The following RIGI variants were observed in gnomAD, a reference collection of about 807,000 sequenced individuals.
The protein encoded by RIGI is antiviral innate immune response receptor RIG-I.
chr9:32,455,398 A>C, the RIGI span, among the ~76,000 whole-genome samples: 3,471 of 152,262 alleles, frequency 0.023, 103 homozygotes, highest in African/African-American at 0.072. Context: ...GAAGCAGGCA[A>C]GTCTTACATG....
the RIGI span, among the ~76,000 whole-genome samples, chr9:32,501,722 A>T: frequency 6.6e-6 from 1 of 152,166 alleles, no homozygotes; most frequent in Admixed American, 6.5e-5. Flanking sequence ...ATTCCAAGGG[A>T]GTAAGCAAGT....
the RIGI span, among the ~76,000 whole-genome samples, chr9:32,483,868 C>G: frequency 3.3e-5 from 5 of 152,014 alleles, no homozygotes; most frequent in Non-Finnish European, 7.4e-5. Flanking sequence ...ATTCCCTGTG[C>G]CTGAAACACA....
the RIGI span, chr9:32,489,374 C>G: frequency 6.2e-7 from 1 of 1,612,558 alleles, no homozygotes; most frequent in Non-Finnish European, 8.5e-7. Context: ...GTGTTTTTTC[C>G]TTTCATAGCA....
the RIGI span, among the ~76,000 whole-genome samples, chr9:32,523,053 C>T: frequency 6.6e-6 from 1 of 152,110 alleles, no homozygotes; most frequent in African/African-American, 2.4e-5. Context: ...CTTCCTTACC[C>T]CTCCAGAGTC....
At chr9:32,485,099 A>T in the RIGI span, 10 of 1,091,200 alleles carry the variant, frequency 9.2e-6, no homozygotes, top group East Asian at 2.4e-4. Context: ...AACTAAGGAG[A>T]ACACAAAAAG....
At chr9:32,471,982 C>T in the RIGI span, among the ~76,000 whole-genome samples, 1 of 151,952 alleles carries the variant, frequency 6.6e-6, no homozygotes, top group African/African-American at 2.4e-5. Flanking sequence ...ATAAACAACA[C>T]TAAATAGGAA....
At chr9:32,467,148 G>C in the RIGI span, among the ~76,000 whole-genome samples, 1 of 152,154 alleles carries the variant, frequency 6.6e-6, no homozygotes, top group Non-Finnish European at 1.5e-5. Flanking sequence ...AGCAATAAGT[G>C]AGGAAGTCAG....
chr9:32,520,806 TGGCTGGGTGTGGTGGCTCA>T, the RIGI span, among the ~76,000 whole-genome samples: 1 of 151,652 alleles, frequency 6.6e-6, no homozygotes, highest in African/African-American at 2.4e-5. Flanking sequence ...TATAAAAAGA[TGGCTGGGTGTGGTGGCTCA>T]GGCTGGGCGT....
the RIGI span, among the ~76,000 whole-genome samples, chr9:32,458,419 A>C: frequency 6.6e-6 from 1 of 152,198 alleles, no homozygotes; most frequent in African/African-American, 2.4e-5. Flanking sequence ...ATATTAATAC[A>C]TTTTGGTATA....
the RIGI span, among the ~76,000 whole-genome samples, chr9:32,511,958 C>A: frequency 6.6e-5 from 10 of 152,216 alleles, no homozygotes; most frequent in Admixed American, 3.3e-4. Flanking sequence ...AACACCTCTA[C>A]ACAAATACAC....
At chr9:32,492,367 T>C in the RIGI span, 1 of 1,613,650 alleles carries the variant, frequency 6.2e-7, no homozygotes, top group South Asian at 1.1e-5. Context: ...TAAGTAGAGC[T>C]GTGAGGAGGG....
At chr9:32,518,734 C>T in the RIGI span, among the ~76,000 whole-genome samples, 17 of 152,208 alleles carry the variant, frequency 1.1e-4, no homozygotes, top group South Asian at 1.0e-3. Context: ...ATAGCAACAA[C>T]CAAATTTCAC....
At chr9:32,475,740 T>G in the RIGI span, among the ~76,000 whole-genome samples, 2,530 of 152,278 alleles carry the variant, frequency 0.017, 91 homozygotes, top group African/African-American at 0.059. Context: ...TGAAAATCCT[T>G]GTGACCTTAG....
chr9:32,478,275 C>T, the RIGI span, among the ~76,000 whole-genome samples: 2 of 152,124 alleles, frequency 1.3e-5, no homozygotes, highest in African/African-American at 4.8e-5. Flanking sequence ...GAACTCCTGA[C>T]CTCAGGTGGC....
the RIGI span, among the ~76,000 whole-genome samples, chr9:32,504,954 A>T: frequency 2.0e-5 from 1 of 50,074 alleles, no homozygotes; most frequent in Non-Finnish European, 5.7e-5. Context: ...AAACATATAT[A>T]TTATATATTT....
the RIGI span, chr9:32,487,520 G>C: frequency 1.2e-6 from 2 of 1,614,162 alleles, no homozygotes; most frequent in Non-Finnish European, 1.7e-6. Context: ...GATTGTGTTT[G>C]ACTGTTGCTA....
At chr9:32,513,513 C>T in the RIGI span, among the ~76,000 whole-genome samples, 1 of 152,276 alleles carries the variant, frequency 6.6e-6, no homozygotes, top group East Asian at 1.9e-4. Context: ...GTTGGGAAAA[C>T]TGACTAGCCA....
At chr9:32,477,253 T>A in the RIGI span, 1 of 1,131,940 alleles carries the variant, frequency 8.8e-7, no homozygotes, top group Non-Finnish European at 1.2e-6. Flanking sequence ...TTATGAGTAG[T>A]AAGTACTGTT....
At chr9:32,455,936 T>G in the RIGI span, 1 of 152,196 alleles carries the variant, frequency 6.6e-6, no homozygotes, top group African/African-American at 2.4e-5. Context: ...CTCACCAGAT[T>G]GCATGAAGAG....
Sources: gnomAD v4.1 joint callset for allele counts (sites outside exome capture counted in the v4.1 genomes callset) on GRCh38, gnomAD v4.1.1 for gene constraint, MANE v1.5 for transcripts, NCBI Gene and HGNC (gene_info 2026-07-23, HGNC 2026-07-21) for gene names.